Variants in ATP7A observed in about 807,000 individuals in gnomAD.
ATP7A encodes ATPase copper transporting alpha.
A neutral mutation model predicts 83.5 loss-of-function variants in ATP7A; 7 were observed. That is an observed-to-expected ratio of 0.08 (90% CI 0.05 to 0.16). The LOEUF (loss-of-function observed/expected upper bound fraction) is 0.16, where lower values mean the gene tolerates loss of function less well. Among genes scored for constraint, ATP7A ranks in the 10% least tolerant of loss-of-function variants. The pLI is 1.00. For synonymous variants in ATP7A, 354 were observed against 395.2 expected (o/e 0.90, Z 1.24); for missense variants, 940 against 1,120.8 (o/e 0.84, Z 2.30).
chrX:77,962,277 A>C (rs1557228148), intron 1 of ATP7A, among the ~76,000 whole-genome samples: 1 of 111,734 alleles, frequency 8.9e-6, no homozygotes, highest in Non-Finnish European at 1.9e-5. Flanking sequence ...ATATCCTCTC[A>C]TAGAGCATAG....
chrX:78,014,154 T>A lies in ATP7A; in HGVS notation c.2407-508T>A, dbSNP rs184436550. Among the ~76,000 whole-genome samples the A allele has an allele frequency of 1.8e-4, 20 of 110,881 alleles. No individual in the cohort carries two copies. In the East Asian group the frequency reaches 5.3e-3, roughly 29 times the overall value. On this transcript the variant is annotated intron_variant, in intron 10 of 22. Coordinates refer to ENST00000341514, the MANE Select transcript of ATP7A (RefSeq NM_000052.7). ...TGGGCGCGGTGGCTCATGCCTGTAA[T>A]CCCAGCGCTTTGGGAGGCCGAGGTG...
chrX:78,010,035 C>G, intron 7 of ATP7A, among the ~76,000 whole-genome samples: 1 of 112,639 alleles, frequency 8.9e-6, no homozygotes, highest in South Asian at 3.6e-4. Flanking sequence ...TTTCAGTATG[C>G]TATAGAATTG....
rs185524472 is a variant in ATP7A, at chrX:78,036,891, T to C, written c.3512-1945T>C. Among the ~76,000 whole-genome samples, 3 of 111,497 alleles carry C rather than the reference T, an allele frequency of 2.7e-5. No individual in the cohort carries two copies. In the East Asian group the frequency reaches 8.4e-4, roughly 31 times the overall value. ...AACATAATGGTAGCTTGGACCAGTA[T>C]AGCAGAGGTTGTAAGAAATGATAGA... On this transcript the variant is annotated intron_variant, in intron 17 of 22. Transcript: ENST00000341514.
chrX:78,016,534 GAGACA>G (rs1354291790), intron 12 of ATP7A, among the ~76,000 whole-genome samples: 8 of 111,374 alleles, frequency 7.2e-5, no homozygotes, highest in African/African-American at 1.6e-4. Context: ...AGTCTCATCT[GAGACA>G]AGACAAGTCC....
intron 12 of ATP7A, among the ~76,000 whole-genome samples, chrX:78,017,761 G>GTTT (rs2077876895): frequency 1.8e-5 from 1 of 54,384 alleles, no homozygotes; most frequent in Admixed American, 2.0e-4. Context: ...CTCTTTTCTT[G>GTTT]TTTCTTTTTT....
At position 77,988,399 on chromosome X, in the gene ATP7A, C is replaced by T. The variant is rs539177302; in HGVS notation, c.278C>T (p.Thr93Met). ...VLTDTLFLTV[T>M]ASLTLPWDHI... The stretch of plus-strand genomic sequence containing the variant: ...ACTGACACCTTGTTTCTGACTGTTA[C>T]GGCGTCACTGACTTTGCCATGGGAC... Residue 93 changes from threonine (T) to methionine (M), a missense_variant, in exon 3 of 23, where the codon ACG (threonine) becomes ATG (methionine). This residue lies in a region of ATP7A where 350 missense variants were observed against 432.8 expected (regional missense o/e 0.81). Coordinates refer to ENST00000341514, the MANE Select transcript of ATP7A (RefSeq NM_000052.7). 3.6e-5 allele frequency: 44 copies of T among 1,209,709 alleles called. No individual in the cohort carries two copies. Among genetic ancestry groups the T allele is most frequent in the Admixed American group, 2.8e-4 (13 of 45,663 alleles).
At chrX:77,991,146 A>G (rs1232409863) in intron 4 of ATP7A, among the ~76,000 whole-genome samples, 2 of 111,721 alleles carry the variant, frequency 1.8e-5, no homozygotes, top group Admixed American at 9.6e-5. Flanking sequence ...TTTTCCAGCC[A>G]TCATCACTAT....
At chrX:77,982,530 C>T (rs1410704142) in intron 2 of ATP7A, among the ~76,000 whole-genome samples, 1 of 112,260 alleles carries the variant, frequency 8.9e-6, no homozygotes, top group Non-Finnish European at 1.9e-5. Flanking sequence ...CAAATTTAAA[C>T]TAGCATGGGA....
Position 77,989,841 on chromosome X carries a change from T to C in ATP7A, c.1219T>C (p.Ser407Pro), listed in dbSNP as rs782115351. Residue 407 changes from serine (S) to proline (P), a missense_variant, in exon 4 of 23, where the codon TCC becomes CCC. Physicochemically the swap from Ser to Pro is moderately conservative, Grantham distance 74 (BLOSUM62 -1). Coordinates refer to ENST00000341514, the MANE Select transcript of ATP7A (RefSeq NM_000052.7). ...GVISKKPGVKSIRVSLANSNG... is the reference protein window; with the variant it reads ...GVISKKPGVKPIRVSLANSNG... ...CATATCAAAAAAGCCAGGTGTAAAA[T>C]CCATACGAGTCTCCCTTGCAAATAG... 1 of 1,210,322 alleles carries C rather than the reference T, an allele frequency of 8.3e-7. No homozygotes were observed. The highest frequency in any genetic ancestry group is 1.8e-5 in the South Asian group (1 of 56,799).
chrX:78,015,994 C>A (rs998169070), intron 12 of ATP7A, 113 bp downstream of exon 12: 4 of 868,503 alleles, frequency 4.6e-6, no homozygotes, highest in African/African-American at 2.0e-5. Flanking sequence ...AGAATAAGTT[C>A]TTTTAAGACT....
chrX:77,973,139 A>G (rs996632591), intron 2 of ATP7A, among the ~76,000 whole-genome samples: 1 of 111,444 alleles, frequency 9.0e-6, no homozygotes, highest in Non-Finnish European at 1.9e-5. Context: ...TTTTTACACC[A>G]TTGAAAAAAA....
chrX:78,019,683 C>T (rs782126310), intron 12 of ATP7A, among the ~76,000 whole-genome samples: 2 of 110,804 alleles, frequency 1.8e-5, no homozygotes, highest in South Asian at 3.9e-4. Context: ...TGCCCAGTCT[C>T]GAACTCCTGA....
chrX:78,019,833 C>A (rs1406127155), intron 12 of ATP7A, among the ~76,000 whole-genome samples: 1 of 110,649 alleles, frequency 9.0e-6, no homozygotes, highest in Non-Finnish European at 1.9e-5. Context: ...CTCGGGGACT[C>A]TCTTACATAC....
At chrX:78,005,969 A>G (rs1388788252) in intron 6 of ATP7A, among the ~76,000 whole-genome samples, 1 of 111,748 alleles carries the variant, frequency 8.9e-6, no homozygotes, top group Admixed American at 9.6e-5. Context: ...TTTCTTTTCT[A>G]TGATAAAGGA....
chrX:77,922,723 A>G (rs1461858404), intron 1 of ATP7A, among the ~76,000 whole-genome samples: 1 of 111,747 alleles, frequency 8.9e-6, no homozygotes, highest in Admixed American at 9.5e-5. Flanking sequence ...ATGAAAAAAG[A>G]CACAGTTAAA....
chrX:77,950,854 T>C (rs2077409629), intron 1 of ATP7A, among the ~76,000 whole-genome samples: 1 of 110,051 alleles, frequency 9.1e-6, no homozygotes, highest in Non-Finnish European at 1.9e-5. Context: ...AAACCCTGTC[T>C]CTACTAAAAA....
intron 1 of ATP7A, among the ~76,000 whole-genome samples, chrX:77,968,356 T>C (rs1557229056): frequency 1.8e-5 from 2 of 112,180 alleles, no homozygotes; most frequent in African/African-American, 6.5e-5. Context: ...TCAGGATTGA[T>C]CCCAACCTAG....
intron 1 of ATP7A, among the ~76,000 whole-genome samples, chrX:77,958,043 C>T (rs2077454896): frequency 9.0e-6 from 1 of 110,894 alleles, no homozygotes; most frequent in African/African-American, 3.3e-5. Flanking sequence ...TGGTGATAAG[C>T]AAGATATGGT....
At chrX:77,948,059 ATATT>A (rs200263608) in intron 1 of ATP7A, among the ~76,000 whole-genome samples, 10,814 of 93,915 alleles carry the variant, frequency 0.12, 751 homozygotes, top group African/African-American at 0.19. Flanking sequence ...CAATTTAAAA[ATATT>A]TATTTATTTA....
Sources: gnomAD v4.1 joint callset for allele counts (sites outside exome capture counted in the v4.1 genomes callset) on GRCh38, gnomAD v4.1.1 for gene constraint, gnomAD v4.1.1 regional missense constraint, MANE v1.5 for transcripts, NCBI Gene and HGNC (gene_info 2026-07-23, HGNC 2026-07-21) for gene names.